The following MYT1L variants were observed in gnomAD, a reference collection of about 807,000 sequenced individuals.
MYT1L encodes myelin transcription factor 1 like, also known as myelin transcription factor 1-like protein.
A neutral mutation model predicts 126.7 loss-of-function variants in MYT1L; 12 were observed. The observed-to-expected ratio is 0.09, with a 90% CI of 0.06 to 0.15. The LOEUF (loss-of-function observed/expected upper bound fraction) is 0.15. Among genes scored for constraint, MYT1L ranks in the 10% least tolerant of loss-of-function variants. The probability of loss-of-function intolerance (pLI) is 1.00; values close to 1 mark genes in which losing one functional copy is unlikely to be tolerated. For missense variants in MYT1L, 979 were observed against 1,585.2 expected, an observed-to-expected ratio of 0.62 and a Z score of 6.49; for synonymous variants, 541 against 604.2, an observed-to-expected ratio of 0.90 and a Z score of 1.53.
chr2:1,842,756 C>G (rs562389657), intron 19 of MYT1L: 1 of 155,210 alleles, frequency 6.4e-6, no homozygotes, highest in Admixed American at 6.5e-5. Flanking sequence ...GACTCATCGT[C>G]CACGTCACCA....
intron 4 of MYT1L, among the ~76,000 whole-genome samples, chr2:2,032,787 G>A (rs2066493752): frequency 8.1e-6 from 1 of 123,086 alleles, no homozygotes; most frequent in African/African-American, 3.2e-5. Flanking sequence ...GATTCTAGAA[G>A]GAGGGCCTTA....
intron 4 of MYT1L, among the ~76,000 whole-genome samples, chr2:2,005,274 G>GAATA (rs1574442076): frequency 1.5e-5 from 2 of 132,292 alleles, no homozygotes; most frequent in African/African-American, 5.7e-5. Context: ...GTTCTTTCCT[G>GAATA]TGTGCCTTCT....
chr2:1,883,700 C>T (rs571553575), intron 18 of MYT1L, among the ~76,000 whole-genome samples: 2 of 152,266 alleles, frequency 1.3e-5, no homozygotes, highest in African/African-American at 2.4e-5. Context: ...AGCATCGACG[C>T]GCAAAAGTCT....
chr2:2,288,454 A>G (rs2095554079), intron 1 of MYT1L, among the ~76,000 whole-genome samples: 1 of 152,228 alleles, frequency 6.6e-6, no homozygotes, highest in Admixed American at 6.5e-5. Flanking sequence ...ACATCCATTC[A>G]AAGAGCAGGG....
At chr2:2,072,838 A>G (rs1161188112) in intron 3 of MYT1L, among the ~76,000 whole-genome samples, 1 of 152,166 alleles carries the variant, frequency 6.6e-6, no homozygotes, top group Non-Finnish European at 1.5e-5. Context: ...ACCATTTGCC[A>G]TCATTGTAAG....
rs187350136 is a variant in MYT1L at position 2,191,140 on chromosome 2, G to A, written c.-420-18152C>T. Among the ~76,000 whole-genome samples the A allele has an allele frequency of 1.1e-4, 16 of 152,312 alleles. 1 individual carries two copies. Among genetic ancestry groups the A allele is most frequent in the Admixed American group, 8.5e-4 (13 of 15,300 alleles). On this transcript the variant is annotated intron_variant, in intron 2 of 24. Coordinates refer to ENST00000647738, the MANE Select transcript of MYT1L (RefSeq NM_001303052.2). ...GAAGACGGCAGGGTGCACTGGTTATGTGTCAGGCAGAGGGAACTTCCAGAA... is the reference window on the plus strand; with the variant it reads ...GAAGACGGCAGGGTGCACTGGTTATATGTCAGGCAGAGGGAACTTCCAGAA...
At chr2:2,257,532 G>T (rs898154775) in intron 2 of MYT1L, among the ~76,000 whole-genome samples, 1 of 152,160 alleles carries the variant, frequency 6.6e-6, no homozygotes, top group South Asian at 2.1e-4. Flanking sequence ...AAGTCCTGGA[G>T]CTCTAACGCA....
At chr2:2,058,555 T>G (rs1392340736) in intron 3 of MYT1L, among the ~76,000 whole-genome samples, 2 of 152,248 alleles carry the variant, frequency 1.3e-5, no homozygotes, top group African/African-American at 4.8e-5. Flanking sequence ...TCTAACTTAT[T>G]TGTAAATCAC....
chr2:2,081,263 A>T (rs529114669), intron 3 of MYT1L, among the ~76,000 whole-genome samples: 1 of 152,308 alleles, frequency 6.6e-6, no homozygotes, highest in African/African-American at 2.4e-5. Flanking sequence ...AGCAAAGGGA[A>T]AATAGGCCCC....
chr2:2,070,074 C>T lies in MYT1L; in HGVS notation c.-303-15951G>A, dbSNP rs116067029. Reference sequence around the variant, plus strand: ...TCACATGGTACACCATAAATATATTCGGTTTTTATTTGTCACTAAGCAAGG... The same window carrying T: ...TCACATGGTACACCATAAATATATTTGGTTTTTATTTGTCACTAAGCAAGG... On this transcript the variant is annotated intron_variant, in intron 3 of 24. Coordinates refer to ENST00000647738, the MANE Select transcript of MYT1L (RefSeq NM_001303052.2). Among the ~76,000 whole-genome samples the T allele has an allele frequency of 5.0e-3, 761 of 151,858 alleles. 5 individuals are homozygous for T. Among genetic ancestry groups the T allele is most frequent in the African/African-American group, 0.018 (728 of 41,478 alleles).
intron 13 of MYT1L, among the ~76,000 whole-genome samples, chr2:1,906,518 G>T (rs182977937): frequency 6.6e-6 from 1 of 152,228 alleles, no homozygotes. Flanking sequence ...AAGAAAGTCA[G>T]ATTTTAGACT....
Position 2,091,066 on chromosome 2 carries a change from C to T in MYT1L, c.-303-36943G>A, listed in dbSNP as rs2076870573. On this transcript the variant is annotated intron_variant, in intron 3 of 24. Coordinates refer to ENST00000647738, the MANE Select transcript of MYT1L (RefSeq NM_001303052.2). ...TCTATGAGCATTGGAATCAACTTCT[C>T]CAACCTTCTGTTAATGTTATTTGGC... is the stretch of plus-strand genomic sequence containing the variant. 3.3e-5 allele frequency among the ~76,000 whole-genome samples: 5 copies of T among 152,204 alleles called. No individual in the cohort carries two copies. In the South Asian group the frequency reaches 1.0e-3, roughly 32 times the overall value.
At chr2:2,226,304 A>T (rs754742843) in intron 2 of MYT1L, among the ~76,000 whole-genome samples, 3 of 152,084 alleles carry the variant, frequency 2.0e-5, no homozygotes, top group Non-Finnish European at 4.4e-5. Context: ...TTCCAACATC[A>T]TAATTGAGGA....
intron 4 of MYT1L, among the ~76,000 whole-genome samples, chr2:2,040,121 C>A (rs867017779): frequency 2.0e-5 from 3 of 152,162 alleles, no homozygotes; most frequent in Admixed American, 6.5e-5. Flanking sequence ...TGTGTCAGGG[C>A]TACTATTTCA....
rs1220775712 is a variant in MYT1L, at chr2:1,806,632, A to G, written c.3172+2444T>C. ...GTAATAGGAATGTCTAGTGCCCTCAATGCCGACTCAGGCCCACCGATGAAG... is the reference window on the plus strand; with the variant it reads ...GTAATAGGAATGTCTAGTGCCCTCAGTGCCGACTCAGGCCCACCGATGAAG... On this transcript the variant is annotated intron_variant, in intron 22 of 24. Coordinates refer to ENST00000647738, the MANE Select transcript of MYT1L (RefSeq NM_001303052.2). This position sits in a 1 kb window ranked among gnomAD's most constrained non-coding sequence, Gnocchi z 4.9. Among the ~76,000 whole-genome samples the G allele has an allele frequency of 1.3e-5, 2 of 152,200 alleles. No individual in the cohort carries two copies. Among genetic ancestry groups the G allele is most frequent in the East Asian group, 3.9e-4 (2 of 5,156 alleles).
chr2:2,152,444 G>T (rs1254507959), intron 3 of MYT1L, among the ~76,000 whole-genome samples: 1 of 152,248 alleles, frequency 6.6e-6, no homozygotes, highest in Non-Finnish European at 1.5e-5. Context: ...CCAGAAACTA[G>T]GGGAGAATAC....
At chr2:2,269,565 C>A (rs2149333379) in intron 2 of MYT1L, among the ~76,000 whole-genome samples, 2 of 152,278 alleles carry the variant, frequency 1.3e-5, no homozygotes, top group Middle Eastern at 3.4e-3. Flanking sequence ...GCATTCTCTC[C>A]ACATGCTCTT....
chr2:2,257,505 T>C (rs1423061676), intron 2 of MYT1L, among the ~76,000 whole-genome samples: 1 of 152,124 alleles, frequency 6.6e-6, no homozygotes, highest in Non-Finnish European at 1.5e-5. Flanking sequence ...CAGAAAACCT[T>C]ACCAGACAGG....
At chr2:2,052,144 C>T (rs943954625) in intron 4 of MYT1L, among the ~76,000 whole-genome samples, 1 of 152,160 alleles carries the variant, frequency 6.6e-6, no homozygotes, top group Non-Finnish European at 1.5e-5. Context: ...TAAATTCTTG[C>T]ATATACGGTC....
Sources: allele counts gnomAD v4.1 joint callset (sites outside exome capture counted in the v4.1 genomes callset), GRCh38; gene constraint gnomAD v4.1.1; non-coding constraint Gnocchi (gnomAD v3.1); transcripts MANE v1.5; gene names NCBI Gene and HGNC (gene_info 2026-07-23, HGNC 2026-07-21).